PTGIS: variants seen among roughly 807,000 people sequenced by gnomAD.
PTGIS encodes prostacyclin synthase.
A neutral mutation model predicts 50.3 loss-of-function variants in PTGIS; 45 were observed. The observed-to-expected ratio is 0.90, with a 90% CI of 0.70 to 1.15. The LOEUF (loss-of-function observed/expected upper bound fraction) is 1.15, where lower values mean the gene tolerates loss of function less well. PTGIS is among the 50% of genes most tolerant of loss of function. The pLI is 0.00. For missense variants in PTGIS, 668 were observed against 661.3 expected, an observed-to-expected ratio of 1.01 and a Z score of -0.11; for synonymous variants, 260 against 267.7, an observed-to-expected ratio of 0.97 and a Z score of 0.28.
At chr20:49,556,991 T>C (rs1260703733) in intron 1 of PTGIS, among the ~76,000 whole-genome samples, 2 of 152,242 alleles carry the variant, frequency 1.3e-5, no homozygotes, top group Non-Finnish European at 2.9e-5. Flanking sequence ...TCTCTTTATA[T>C]GCAGAAATCA....
intron 1 of PTGIS, among the ~76,000 whole-genome samples, chr20:49,551,100 G>A (rs1455680982): frequency 6.6e-6 from 1 of 152,250 alleles, no homozygotes; most frequent in South Asian, 2.1e-4. Flanking sequence ...CCAGTTACTC[G>A]GGAGGCTGAG....
At chr20:49,531,932 A>G (rs1981945466) in intron 5 of PTGIS, among the ~76,000 whole-genome samples, 1 of 152,162 alleles carries the variant, frequency 6.6e-6, no homozygotes, top group Non-Finnish European at 1.5e-5. Flanking sequence ...GCGCAGCCTC[A>G]TGCTGTATTT....
intron 5 of PTGIS, 91 bp from the exon 6 acceptor site, chr20:49,524,330 T>A: frequency 7.0e-7 from 1 of 1,424,138 alleles, no homozygotes; most frequent in Non-Finnish European, 9.6e-7. Context: ...AGGCCAAGGG[T>A]CTTCTGAATG....
chr20:49,544,867 T>C (rs1982317988), intron 3 of PTGIS, among the ~76,000 whole-genome samples: 1 of 152,162 alleles, frequency 6.6e-6, no homozygotes, highest in Admixed American at 6.5e-5. Flanking sequence ...AAGGGACCCA[T>C]AGCGTTCTGG....
At chr20:49,541,838 T>A (rs7267130) in intron 4 of PTGIS, among the ~76,000 whole-genome samples, 9,392 of 152,072 alleles carry the variant, frequency 0.062, 902 homozygotes, top group African/African-American at 0.21. Flanking sequence ...CAGCTCCATA[T>A]CAAAAGAGCA....
intron 5 of PTGIS, 89 bp from the exon 6 acceptor site, chr20:49,524,328 G>C (rs1981739496): frequency 6.9e-7 from 1 of 1,449,316 alleles, no homozygotes; most frequent in East Asian, 2.3e-5. Context: ...TGAGGCCAAG[G>C]GTCTTCTGAA....
In PTGIS at chr20:49,507,266, C is replaced by T. The variant is rs1050095535; in HGVS notation, c.*654G>A. On this transcript the variant is annotated 3_prime_UTR_variant, in exon 10 of 10. Coordinates refer to ENST00000244043, the MANE Select transcript of PTGIS (RefSeq NM_000961.4). ...TCACTCTAGAACAGAGAACTCCACT[C>T]CTCAGAGCCCAGTGTTTGGAGGGTG... 5.9e-6 allele frequency: 1 copy of T among 169,446 alleles called. No individual in the cohort carries two copies. Among genetic ancestry groups the T allele is most frequent in the African/African-American group, 2.4e-5 (1 of 41,576 alleles). 10.5% of individuals were successfully genotyped at this position (169,446 alleles called of 1,614,324 possible).
chr20:49,513,021 C>T lies in PTGIS; in HGVS notation c.1206+59G>A. On this transcript the variant is annotated intron_variant, in intron 8 of 9. Coordinates refer to ENST00000244043, the MANE Select transcript of PTGIS (RefSeq NM_000961.4). The stretch of plus-strand genomic sequence containing the variant: ...GGCTGCCACTCAGATCTGGCTCATC[C>T]CAAAGTCACTGATTGTTCTCCCACA... The T allele has an allele frequency of 3.1e-6, 5 of 1,602,494 alleles. No homozygotes were observed. In the Admixed American group the frequency reaches 5.0e-5, roughly 16 times the overall value.
At chr20:49,510,794 T>C (rs1313246319) in intron 9 of PTGIS, among the ~76,000 whole-genome samples, 1 of 152,252 alleles carries the variant, frequency 6.6e-6, no homozygotes, top group East Asian at 1.9e-4. Context: ...AAGAACCTGC[T>C]GCCAGATCTG....
At chr20:49,516,688 G>T (rs1981487718) in intron 6 of PTGIS, among the ~76,000 whole-genome samples, 1 of 152,178 alleles carries the variant, frequency 6.6e-6, no homozygotes, top group Admixed American at 6.5e-5. Context: ...TAGTGCCCGT[G>T]AGGCCAGGAG....
chr20:49,526,214 C>T (rs1981790383), intron 5 of PTGIS, among the ~76,000 whole-genome samples: 1 of 152,172 alleles, frequency 6.6e-6, no homozygotes, highest in Non-Finnish European at 1.5e-5. Context: ...TTTAGGCCTG[C>T]AGGGCGCGGG....
chr20:49,567,862 G>T (rs1038682483), intron 1 of PTGIS, among the ~76,000 whole-genome samples, 181 bp downstream of exon 1: 3 of 152,186 alleles, frequency 2.0e-5, no homozygotes, highest in Non-Finnish European at 4.4e-5. Flanking sequence ...GGGGAGCACG[G>T]CCTGGCCCCC....
chr20:49,551,572 T>C (rs565967568), intron 1 of PTGIS, among the ~76,000 whole-genome samples: 1 of 152,288 alleles, frequency 6.6e-6, no homozygotes, highest in South Asian at 2.1e-4. Flanking sequence ...TTGATTGATA[T>C]CTCCTGTCTC....
intron 1 of PTGIS, among the ~76,000 whole-genome samples, chr20:49,553,187 A>G (rs1033299102): frequency 1.3e-5 from 2 of 152,126 alleles, no homozygotes; most frequent in African/African-American, 4.8e-5. Flanking sequence ...TCTCTGCTAG[A>G]TATTATAAGG....
At chr20:49,537,313 ACT>A (rs946542784) in intron 5 of PTGIS, among the ~76,000 whole-genome samples, 19 of 152,308 alleles carry the variant, frequency 1.2e-4, no homozygotes, top group African/African-American at 2.6e-4. Flanking sequence ...CAGCCAGGAC[ACT>A]CTACCAACAC....
Position 49,527,388 on chromosome 20 carries a change from C to T in PTGIS, c.674-3149G>A, listed in dbSNP as rs149669561. ...ACAAGAATAGCTTGAACCCGGGAGG[C>T]GGAGATTGTAGTGAGCTGAGATGGC... On this transcript the variant is annotated intron_variant, in intron 5 of 9. Transcript: ENST00000244043. Among the ~76,000 whole-genome samples the T allele has an allele frequency of 2.6e-4, 40 of 152,012 alleles. No homozygotes were observed. In the East Asian group the frequency reaches 7.7e-3, roughly 29 times the overall value.
At position 49,514,117 on chromosome 20, in the gene PTGIS, G is replaced by A. The variant is rs1050107348; in HGVS notation, c.1024+110C>T. 87 of 1,343,850 alleles carry A rather than the reference G, an allele frequency of 6.5e-5. No homozygotes were observed. In the South Asian group the frequency reaches 9.0e-4, roughly 14 times the overall value. 83.2% of individuals were successfully genotyped at this position (1,343,850 alleles called of 1,614,324 possible). ...AGGAGGCTTAGGGAGACCCTAGGTC[G>A]GAGGACACACTGATGGACCCTGGAA... On this transcript the variant is annotated intron_variant, in intron 7 of 9. Coordinates refer to ENST00000244043, the MANE Select transcript of PTGIS (RefSeq NM_000961.4).
At chr20:49,560,049 G>C (rs1056760727) in intron 1 of PTGIS, among the ~76,000 whole-genome samples, 1 of 151,610 alleles carries the variant, frequency 6.6e-6, no homozygotes, top group African/African-American at 2.4e-5. Flanking sequence ...TCAGCCTGCC[G>C]AGTAGCTGGG....
chr20:49,511,313 A>C (rs1568667846), intron 8 of PTGIS, 134 bp from the exon 9 acceptor site: 15 of 998,894 alleles, frequency 1.5e-5, no homozygotes, highest in Non-Finnish European at 2.3e-5. Flanking sequence ...GTCAATTGAT[A>C]GGGGATTGGT....
Sources: allele counts gnomAD v4.1 joint callset (sites outside exome capture counted in the v4.1 genomes callset), GRCh38; gene constraint gnomAD v4.1.1; transcripts MANE v1.5; gene names NCBI Gene and HGNC (gene_info 2026-07-23, HGNC 2026-07-21).